RFPL3: variants seen among roughly 807,000 people sequenced by gnomAD.
RFPL3 encodes ret finger protein like 3, also known as ret finger protein-like 3.
In RFPL3, 8 loss-of-function variants were observed where a neutral mutation model predicts 8.7. The observed-to-expected ratio is 0.92, with a 90% CI of 0.54 to 1.66. RFPL3 has a LOEUF of 1.66. RFPL3 is among the 40% of genes most tolerant of loss of function. RFPL3 has a pLI of 0.00. For synonymous variants in RFPL3, 145 were observed against 150.5 expected (o/e 0.96, Z 0.27); for missense variants, 341 against 395.0 (o/e 0.86, Z 1.16).
upstream of RFPL3, among the ~76,000 whole-genome samples, chr22:32,357,621 C>T (rs1384205684): frequency 6.6e-6 from 1 of 152,202 alleles, no homozygotes; most frequent in African/African-American, 2.4e-5. Context: ...CGTGTGCCAC[C>T]ACGCCTGGCT....
In RFPL3 at chr22:32,358,025, T is replaced by A; in HGVS notation, c.-47T>A. 1 of 1,588,912 alleles carries A rather than the reference T, an allele frequency of 6.3e-7. No homozygotes were observed. The highest frequency in any genetic ancestry group is 8.6e-7 in the Non-Finnish European group (1 of 1,167,168). ...GGATGTGCTTGAGTGTTTGTACTCA[T>A]GGTCTTGTTCTCGGAGTGACAAAGC... On this transcript the variant is annotated 5_prime_UTR_variant, in exon 1 of 2. It removes an upstream start codon present in the reference 5' UTR. Transcript: ENST00000249007.
intron 1 of RFPL3, among the ~76,000 whole-genome samples, chr22:32,359,571 C>T (rs879394189): frequency 2.6e-5 from 4 of 152,154 alleles, no homozygotes; most frequent in Non-Finnish European, 5.9e-5. Flanking sequence ...TCTCTACAAT[C>T]AGTCAGTTAT....
At chr22:32,357,306 G>A (rs1258133002), upstream of RFPL3, among the ~76,000 whole-genome samples, 1 of 152,108 alleles carries the variant, frequency 6.6e-6, no homozygotes, top group Non-Finnish European at 1.5e-5. Context: ...CCAGGTTGGA[G>A]TGACCTGGCG....
In RFPL3 at chr22:32,360,951, T is replaced by C; in HGVS notation, c.*119T>C. On this transcript the variant is annotated 3_prime_UTR_variant, in exon 2 of 2. Transcript: ENST00000249007. ...AGAAAGATATGGGACATTTCTATAA[T>C]CTATATTCTAATTTGATTCGATTAT... The C allele has an allele frequency of 1.0e-6, 1 of 986,012 alleles. No homozygotes were observed. Among genetic ancestry groups the C allele is most frequent in the Non-Finnish European group, 1.4e-6 (1 of 708,768 alleles). The allele number at this position is 986,012 out of a possible 1,614,324, so 61.1% of individuals were successfully genotyped here. A position where few individuals can be genotyped will look rare whatever the true frequency, so the allele number is the denominator to read the frequency against.
At chr22:32,357,472 C>CCTTTTTTTTT (rs543220133), upstream of RFPL3, among the ~76,000 whole-genome samples, 5 of 145,126 alleles carry the variant, frequency 3.4e-5, no homozygotes, top group Admixed American at 6.8e-5. Context: ...ATCCAGCCCC[C>CCTTTTTTTTT]TTTTTTTTTT....
chr22:32,357,414 C>A (rs1011870912), upstream of RFPL3, among the ~76,000 whole-genome samples: 1 of 151,838 alleles, frequency 6.6e-6, no homozygotes, highest in African/African-American at 2.4e-5. Context: ...AAGGGATCTT[C>A]CTGCCTTGGC....
rs147326673 is a variant in RFPL3 at position 32,358,392 on chromosome 22, G to C, written c.321G>C (p.Glu107Asp). ...ERLVSHIKEL[E>D]PKLKKILQMN... ...TGGTTTCCCACATCAAGGAACTGGA[G>C]CCCAAGCTGAAGAAGATTCTACAGA... Residue 107 changes from glutamate to aspartate, a missense_variant, in exon 1 of 2, where the codon GAG becomes GAC. By Grantham distance (45) the Glu-to-Asp change is conservative. Coordinates refer to ENST00000249007, the MANE Select transcript of RFPL3 (RefSeq NM_001098535.1). 1,435 of 1,614,080 alleles carry C rather than the reference G, an allele frequency of 8.9e-4. 1 individual carries two copies. The highest frequency in any genetic ancestry group is 1.1e-3 in the Non-Finnish European group (1,315 of 1,179,956).
upstream of RFPL3, among the ~76,000 whole-genome samples, chr22:32,357,168 G>A (rs1451785463): frequency 6.6e-6 from 1 of 152,170 alleles, no homozygotes; most frequent in Non-Finnish European, 1.5e-5. Context: ...GTCATTCAGG[G>A]AACCTCCGAG....
chr22:32,359,668 A>T (rs1408356621), intron 1 of RFPL3, among the ~76,000 whole-genome samples: 1 of 152,170 alleles, frequency 6.6e-6, no homozygotes. Flanking sequence ...AGGATAGAAA[A>T]CATTCTTTCA....
chr22:32,359,836 C>T (rs1932759646), intron 1 of RFPL3: 1 of 175,138 alleles, frequency 5.7e-6, no homozygotes, highest in South Asian at 1.5e-4. Flanking sequence ...AGCCTGGAAT[C>T]ATGCTCTATA....
chr22:32,358,461 C>T lies in RFPL3; in HGVS notation c.373+17C>T, dbSNP rs753132669. On this transcript the variant is annotated intron_variant, in intron 1 of 1. Coordinates refer to ENST00000249007, the MANE Select transcript of RFPL3 (RefSeq NM_001098535.1). ...AGTTCCAAGGTAAGGAATCTGTATA[C>T]CCTGCCCCCTTCCCAAGACCAGACC... 23 of 1,599,116 alleles carry T rather than the reference C, an allele frequency of 1.4e-5. No homozygotes were observed. In the East Asian group the frequency reaches 1.8e-4, roughly 12 times the overall value.
rs1169558528 is a variant in RFPL3 at position 32,358,094 on chromosome 22, CAACT to C, written c.27_30del (p.Asn10GlyfsTer86). The C allele has an allele frequency of 4.3e-6, 7 of 1,613,688 alleles. No homozygotes were observed. Among genetic ancestry groups the C allele is most frequent in the African/African-American group, 1.3e-5 (1 of 75,036 alleles). On this transcript the variant is annotated frameshift_variant, in exon 1 of 2. Coordinates refer to ENST00000249007, the MANE Select transcript of RFPL3 (RefSeq NM_001098535.1). LOFTEE classifies it high-confidence loss of function. The stretch of plus-strand genomic sequence containing the variant: ...TGCATGAAAAGGTTGTCACTTGTCA[CAACT>C]AACAGGCTTTCACCTCAAGGAAATT...
At position 32,357,991 on chromosome 22, in the gene RFPL3, G is replaced by C. The variant is rs1206572674; in HGVS notation, c.-81G>C. ...TAGAACTTCAAATCTCTGAGGACGGGGGGTGGGGGGATGTGCTTGAGTGTT... is the reference window on the plus strand; with the variant it reads ...TAGAACTTCAAATCTCTGAGGACGGCGGGTGGGGGGATGTGCTTGAGTGTT... On this transcript the variant is annotated 5_prime_UTR_variant, in exon 1 of 2. Coordinates refer to ENST00000249007, the MANE Select transcript of RFPL3 (RefSeq NM_001098535.1). 1.1e-5 allele frequency: 17 copies of C among 1,559,938 alleles called. No individual in the cohort carries two copies. The highest frequency in any genetic ancestry group is 1.7e-4 in the Middle Eastern group (1 of 5,820).
At chr22:32,359,207 GTC>G (rs1349229256) in intron 1 of RFPL3, among the ~76,000 whole-genome samples, 3 of 152,118 alleles carry the variant, frequency 2.0e-5, no homozygotes, top group Non-Finnish European at 1.5e-5. Flanking sequence ...ATACCTGACT[GTC>G]TCTCTGCTGA....
Position 32,360,840 on chromosome 22 carries a change from C to A in RFPL3, c.*8C>A. 6.7e-7 allele frequency: 1 copy of A among 1,500,246 alleles called. No individual in the cohort carries two copies. The highest frequency in any genetic ancestry group is 1.4e-5 in the African/African-American group (1 of 70,984). The allele number at this position is 1,500,246 out of a possible 1,614,324, so 92.9% of individuals were successfully genotyped here. A position where few individuals can be genotyped will look rare whatever the true frequency, so the allele number is the denominator to read the frequency against. On this transcript the variant is annotated 3_prime_UTR_variant, in exon 2 of 2. Coordinates refer to ENST00000249007, the MANE Select transcript of RFPL3 (RefSeq NM_001098535.1). ...CCTGGGGAGGCCAAATAAGCCGCCA[C>A]TGCAAAAAAAAACAGGGTCAGAAAA...
upstream of RFPL3, among the ~76,000 whole-genome samples, chr22:32,355,393 A>G (rs901708888): frequency 6.6e-6 from 1 of 152,148 alleles, no homozygotes; most frequent in African/African-American, 2.4e-5. Flanking sequence ...CTCAGACAGC[A>G]GCTGGAGCCC....
At position 32,358,374 on chromosome 22, in the gene RFPL3, C is replaced by T. The variant is rs1409287419; in HGVS notation, c.303C>T (p.Ser101=). The T allele has an allele frequency of 6.2e-7, 1 of 1,613,988 alleles. No individual in the cohort carries two copies. The highest frequency in any genetic ancestry group is 8.5e-7 in the Non-Finnish European group (1 of 1,180,034). Residue 101 remains serine, a synonymous_variant, in exon 1 of 2, where the codon TCC becomes TCT. Transcript: ENST00000249007. ...ATCGGCAGCTAGAGAGGCTGGTTTC[C>T]CACATCAAGGAACTGGAGCCCAAGC... is the stretch of plus-strand genomic sequence containing the variant. The part of the protein sequence containing the change: ...RPNRQLERLV[S]HIKELEPKLK...
At chr22:32,357,754 A>G (rs371664164), upstream of RFPL3, 41 of 806,132 alleles carry the variant, frequency 5.1e-5, 1 homozygote, top group East Asian at 2.1e-3. Context: ...GGCATGAGCC[A>G]TCGTGCCCAG....
chr22:32,355,844 A>G (rs1015619554), upstream of RFPL3, among the ~76,000 whole-genome samples: 2 of 151,760 alleles, frequency 1.3e-5, no homozygotes, highest in African/African-American at 2.4e-5. Flanking sequence ...GAGAAAACCA[A>G]CTCTCCTTGA....
Sources: gnomAD v4.1 joint callset for allele counts (sites outside exome capture counted in the v4.1 genomes callset) on GRCh38, gnomAD v4.1.1 for gene constraint, MANE v1.5 for transcripts, NCBI Gene and HGNC (gene_info 2026-07-23, HGNC 2026-07-21) for gene names.